The following RAB38 variants were observed in gnomAD, a reference collection of about 807,000 sequenced individuals.
The protein encoded by RAB38 is RAB38, member RAS oncogene family.
RAB38 carries 15 observed loss-of-function variants against 18.4 expected under a neutral mutation model. The observed-to-expected ratio is 0.82, with a 90% CI of 0.55 to 1.26. RAB38 has a LOEUF of 1.26. Among genes scored for constraint, RAB38 ranks in the 50% most tolerant of loss-of-function variants. The probability of loss-of-function intolerance (pLI) is 0.00; values close to 1 mark genes in which losing one functional copy is unlikely to be tolerated. For missense variants in RAB38, 294 were observed against 267.4 expected (o/e 1.10, Z -0.69); for synonymous variants, 101 against 104.4 (o/e 0.97, Z 0.20).
chr11:88,140,075 C>G (rs35027563), intron 2 of RAB38, among the ~76,000 whole-genome samples: 69 of 152,306 alleles, frequency 4.5e-4, no homozygotes, highest in African/African-American at 1.6e-3. Context: ...GGTGCACAAG[C>G]TAATGTCAGA....
At chr11:87,894,573 TAAAGA>T in the RAB38 span, among the ~76,000 whole-genome samples, 1 of 151,544 alleles carries the variant, frequency 6.6e-6, no homozygotes, top group Non-Finnish European at 1.5e-5. Flanking sequence ...TCTGTGTTAT[TAAAGA>T]AAACACATTT....
At chr11:87,964,540 A>G in the RAB38 span, among the ~76,000 whole-genome samples, 1 of 152,126 alleles carries the variant, frequency 6.6e-6, no homozygotes, top group Non-Finnish European at 1.5e-5. Flanking sequence ...GATAGGAGCT[A>G]CAAAGTGCAA....
At chr11:87,973,342 G>A in the RAB38 span, among the ~76,000 whole-genome samples, 1 of 152,054 alleles carries the variant, frequency 6.6e-6, no homozygotes, top group South Asian at 2.1e-4. Context: ...TGAAAGAATA[G>A]CTGCATAAGA....
the RAB38 span, among the ~76,000 whole-genome samples, chr11:87,838,538 T>C: frequency 1.3e-5 from 2 of 152,208 alleles, no homozygotes; most frequent in African/African-American, 4.8e-5. Context: ...TTGTGAGATC[T>C]GTCTCTTTTG....
chr11:87,805,093 G>C, the RAB38 span, among the ~76,000 whole-genome samples: 1 of 152,170 alleles, frequency 6.6e-6, no homozygotes, highest in Admixed American at 6.5e-5. Flanking sequence ...CCCTCCCTCA[G>C]AGGGCACTGA....
the RAB38 span, among the ~76,000 whole-genome samples, chr11:87,844,389 A>G: frequency 3.6e-4 from 55 of 152,184 alleles, no homozygotes; most frequent in Non-Finnish European, 5.3e-4. Flanking sequence ...CCTTATGCTA[A>G]GCAGTTGGCG....
At chr11:88,017,674 T>A in the RAB38 span, among the ~76,000 whole-genome samples, 1 of 148,502 alleles carries the variant, frequency 6.7e-6, no homozygotes, top group Non-Finnish European at 1.5e-5. Flanking sequence ...TCTCTATATG[T>A]TACCCAGATC....
chr11:87,942,300 G>A, the RAB38 span, among the ~76,000 whole-genome samples: 1 of 152,040 alleles, frequency 6.6e-6, no homozygotes, highest in Non-Finnish European at 1.5e-5. Context: ...TGATGTTGCT[G>A]GTTTACTCAC....
the RAB38 span, among the ~76,000 whole-genome samples, chr11:87,933,529 ACT>A: frequency 6.6e-6 from 1 of 152,036 alleles, no homozygotes; most frequent in East Asian, 1.9e-4. Context: ...AGAAAAACAA[ACT>A]CTCAACTGCT....
At chr11:88,039,755 G>A in the RAB38 span, among the ~76,000 whole-genome samples, 3 of 152,194 alleles carry the variant, frequency 2.0e-5, no homozygotes, top group Non-Finnish European at 4.4e-5. Context: ...CCTTAGCCTA[G>A]AGGAGAACTT....
chr11:88,117,693 T>TC (rs1565208405), intron 2 of RAB38, among the ~76,000 whole-genome samples: 1 of 152,132 alleles, frequency 6.6e-6, no homozygotes, highest in Non-Finnish European at 1.5e-5. Flanking sequence ...TTATCTTAGT[T>TC]CCCCTACTTT....
the RAB38 span, among the ~76,000 whole-genome samples, chr11:87,958,085 T>A: frequency 6.6e-6 from 1 of 152,144 alleles, no homozygotes; most frequent in Non-Finnish European, 1.5e-5. Context: ...AATTTTGATC[T>A]CTTCCCAGGC....
chr11:87,922,405 G>A, the RAB38 span, among the ~76,000 whole-genome samples: 3 of 151,956 alleles, frequency 2.0e-5, no homozygotes. Context: ...TTTCAATCAT[G>A]GAGATCTAGT....
chr11:87,858,336 G>A, the RAB38 span, among the ~76,000 whole-genome samples: 1 of 151,898 alleles, frequency 6.6e-6, no homozygotes, highest in African/African-American at 2.4e-5. Flanking sequence ...CTTTTCTTTG[G>A]GGCTCTCTTT....
chr11:87,861,393 C>A, the RAB38 span, among the ~76,000 whole-genome samples: 1 of 151,860 alleles, frequency 6.6e-6, no homozygotes, highest in African/African-American at 2.4e-5. Flanking sequence ...GATACAGAAG[C>A]ATTTTTTTCA....
intron 1 of RAB38, among the ~76,000 whole-genome samples, chr11:88,170,352 T>C (rs1943296304): frequency 6.6e-6 from 1 of 152,204 alleles, no homozygotes; most frequent in Admixed American, 6.5e-5. Flanking sequence ...CATCGCCAAA[T>C]TTAGCTCTTT....
chr11:88,004,406 G>T, the RAB38 span, among the ~76,000 whole-genome samples: 1 of 151,024 alleles, frequency 6.6e-6, no homozygotes, highest in Non-Finnish European at 1.5e-5. Context: ...CACAAAAAAA[G>T]CATTTTAGAA....
chr11:88,157,319 A>T (rs1436547140), intron 1 of RAB38, among the ~76,000 whole-genome samples: 1 of 152,188 alleles, frequency 6.6e-6, no homozygotes, highest in East Asian at 1.9e-4. Flanking sequence ...TTATGCACAC[A>T]ACATTGGAGT....
the RAB38 span, among the ~76,000 whole-genome samples, chr11:87,907,884 A>C: frequency 6.6e-6 from 1 of 151,896 alleles, no homozygotes; most frequent in Non-Finnish European, 1.5e-5. Flanking sequence ...AATTTGCTAT[A>C]CTTATTTTTT....
Sources: gnomAD v4.1 joint callset for allele counts (sites outside exome capture counted in the v4.1 genomes callset) on GRCh38, gnomAD v4.1.1 for gene constraint, MANE v1.5 for transcripts, NCBI Gene and HGNC (gene_info 2026-07-23, HGNC 2026-07-21) for gene names.